The following MAGEL2 variants were observed in gnomAD, a reference collection of about 807,000 sequenced individuals.
MAGEL2 encodes MAGE family member L2.
For missense variants in MAGEL2, 1,830 were observed against 1,699.2 expected (o/e 1.08, Z -1.35); for synonymous variants, 792 against 721.7 (o/e 1.10, Z -1.56).
Position 23,647,797 on chromosome 15 carries a change from C to T in MAGEL2, c.-55G>A, listed in dbSNP as rs1172727626. On this transcript the variant is annotated 5_prime_UTR_variant, in exon 1 of 1. Coordinates refer to ENST00000650528, the MANE Select transcript of MAGEL2 (RefSeq NM_019066.5). The stretch of plus-strand genomic sequence containing the variant: ...TCCTCGGACAGCTGCTGGGCCTTTT[C>T]CTCCAGAGAGAAGAGAATGCCTACG... 1 of 1,427,270 alleles carries T rather than the reference C, an allele frequency of 7.0e-7. No homozygotes were observed. The highest frequency in any genetic ancestry group is 9.1e-7 in the Non-Finnish European group (1 of 1,095,318). 88.4% of individuals were successfully genotyped at this position (1,427,270 alleles called of 1,614,324 possible).
chr15:23,644,101 G>A lies in MAGEL2; in HGVS notation c.3642C>T (p.Phe1214=), dbSNP rs1183546243. Residue 1214 remains phenylalanine, a synonymous_variant, in exon 1 of 1, where the codon TTC becomes TTT. Transcript: ENST00000650528. ...ACTCTGCGAGCGCTTCAAGGTAATG[G>A]AATGGCCAGCTCTGTGGATCTTTCT... ...LHKKDPQSWP[F]HYLEALAECE... is the part of the protein sequence containing the mutation. 1.2e-6 allele frequency: 2 copies of A among 1,613,820 alleles called. No homozygotes were observed. The highest frequency in any genetic ancestry group is 2.7e-5 in the African/African-American group (2 of 74,904).
In MAGEL2 at chr15:23,646,799, G is replaced by T; in HGVS notation, c.944C>A (p.Pro315His). ...TGCAGGTGGGGCCATCGGCTGTGCA[G>T]GTGGGGCCGCCGGCTGTGCCATCGG... ...GAPMAQPAAP[P>H]AQPMAPPAQP... The change falls in exon 1 of 1, where the codon CCT becomes CAT. Residue 315 changes from proline (P) to histidine (H), a missense_variant. Physicochemically the swap from Pro to His is moderately conservative, Grantham distance 77 (BLOSUM62 -2). Transcript: ENST00000650528. This position sits in a 1 kb window ranked among gnomAD's most constrained non-coding sequence, Gnocchi z 4.2. 6.5e-7 allele frequency: 1 copy of T among 1,535,546 alleles called. No homozygotes were observed. The highest frequency in any genetic ancestry group is 1.7e-4 in the Middle Eastern group (1 of 5,986).
Position 23,645,473 on chromosome 15 carries a change from C to T in MAGEL2, c.2270G>A (p.Cys757Tyr), listed in dbSNP as rs531290738. 1 of 1,613,964 alleles carries T rather than the reference C, an allele frequency of 6.2e-7. No homozygotes were observed. Among genetic ancestry groups the T allele is most frequent in the African/African-American group, 1.3e-5 (1 of 75,054 alleles). ...CGCAGCTGACACTGCCTTGGGAGCA[C>T]AGAAGGTGGCAGCAAAGATCATGCG... ...KDRMIFAATF[C>Y]APKAVSAARA... Residue 757 changes from cysteine (C) to tyrosine (Y), a missense_variant, in exon 1 of 1, where the codon TGT (cysteine) becomes TAT (tyrosine). Physicochemically the swap from Cys to Tyr is radical, Grantham distance 194. Transcript: ENST00000650528.
Position 23,646,050 on chromosome 15 carries a change from C to A in MAGEL2, c.1693G>T (p.Val565Leu), listed in dbSNP as rs2140715254. 1 of 1,522,802 alleles carries A rather than the reference C, an allele frequency of 6.6e-7. No individual in the cohort carries two copies. Among genetic ancestry groups the A allele is most frequent in the Non-Finnish European group, 8.8e-7 (1 of 1,135,868 alleles). 94.3% of individuals were successfully genotyped at this position (1,522,802 alleles called of 1,614,324 possible). A position where few individuals can be genotyped will look rare whatever the true frequency, so the allele number is the denominator to read the frequency against. Reference sequence around the variant, plus strand: ...GGGGCAGACAGCGGGGCCGGCAGCACAGGCTGGGGCACCTGCGGGCCAGCG... The same window carrying A: ...GGGGCAGACAGCGGGGCCGGCAGCAAAGGCTGGGGCACCTGCGGGCCAGCG... ...PPAGPQVPQP[V>L]LPAPLSAPLS... The change falls in exon 1 of 1, where the codon GTG (valine) becomes TTG (leucine). Residue 565 changes from valine to leucine, a missense_variant. Val to Leu is a conservative substitution (Grantham distance 32). Transcript: ENST00000650528. The surrounding 1 kb of genome is among the most constrained non-coding windows in gnomAD (Gnocchi z 4.2).
chr15:23,646,070 C>G lies in MAGEL2; in HGVS notation c.1673G>C (p.Gly558Ala). 1 of 1,492,492 alleles carries G rather than the reference C, an allele frequency of 6.7e-7. No homozygotes were observed. Among genetic ancestry groups the G allele is most frequent in the Non-Finnish European group, 8.9e-7 (1 of 1,124,718 alleles). The allele number at this position is 1,492,492 out of a possible 1,614,324, so 92.5% of individuals were successfully genotyped here. A position where few individuals can be genotyped will look rare whatever the true frequency, so the allele number is the denominator to read the frequency against. Reference protein sequence around the residue: ...ATQVPAAPPAGPQVPQPVLPA... With the variant: ...ATQVPAAPPAAPQVPQPVLPA... Reference sequence around the variant, plus strand: ...CAGCACAGGCTGGGGCACCTGCGGGCCAGCGGGCGGCGCCGCGGGTACCTG... The same window carrying G: ...CAGCACAGGCTGGGGCACCTGCGGGGCAGCGGGCGGCGCCGCGGGTACCTG... Residue 558 changes from glycine to alanine, a missense_variant, in exon 1 of 1, where the codon GGC becomes GCC. Transcript: ENST00000650528. This position sits in a 1 kb window ranked among gnomAD's most constrained non-coding sequence, Gnocchi z 4.2.
At position 23,645,948 on chromosome 15, in the gene MAGEL2, C is replaced by T. The variant is rs988583476; in HGVS notation, c.1795G>A (p.Glu599Lys). The T allele has an allele frequency of 6.4e-7, 1 of 1,567,218 alleles. No individual in the cohort carries two copies. Among genetic ancestry groups the T allele is most frequent in the East Asian group, 2.4e-5 (1 of 42,440 alleles). The change falls in exon 1 of 1, where the codon GAG becomes AAG. Residue 599 changes from glutamate to lysine, a missense_variant. Transcript: ENST00000650528. The part of the protein sequence containing the change: ...APKGQPPVPH[E>K]IPTSMEFQEV... ...TGGAATTCCATTGACGTTGGAATCT[C>T]GTGTGGCACCGGGGGCTGACCTTTG... is the stretch of plus-strand genomic sequence containing the variant.
chr15:23,645,240 G>A lies in MAGEL2; in HGVS notation c.2503C>T (p.Pro835Ser), dbSNP rs1007716140. ...TTCATATTGGGCTGTGGGACCCATGGAACTGCAGGCAGGGCCTCTACACAG... is the reference window on the plus strand; with the variant it reads ...TTCATATTGGGCTGTGGGACCCATGAAACTGCAGGCAGGGCCTCTACACAG... ...FACVEALPAV[P>S]WVPQPNMNAS... The change falls in exon 1 of 1, where the codon CCA becomes TCA. Residue 835 changes from proline (P) to serine (S), a missense_variant. Pro to Ser is a moderately conservative substitution (Grantham distance 74). Coordinates refer to ENST00000650528, the MANE Select transcript of MAGEL2 (RefSeq NM_019066.5). The A allele has an allele frequency of 1.2e-6, 2 of 1,613,920 alleles. No homozygotes were observed. The highest frequency in any genetic ancestry group is 1.7e-6 in the Non-Finnish European group (2 of 1,179,906).
At position 23,643,849 on chromosome 15, in the gene MAGEL2, G is replaced by C. The variant is rs907386628; in HGVS notation, c.*144C>G. The C allele has an allele frequency of 8.2e-6, 7 of 849,648 alleles. No homozygotes were observed. The African/African-American group carries it at 1.2e-4, about 14-fold the overall frequency. The allele number at this position is 849,648 out of a possible 1,614,324, so 52.6% of individuals were successfully genotyped here. On this transcript the variant is annotated 3_prime_UTR_variant, in exon 1 of 1. Transcript: ENST00000650528. ...CAACACCACATAAAAAATGTACAAA[G>C]CTTTGGCAGATACGAAACCAAGTTG... is the stretch of plus-strand genomic sequence containing the variant.
In MAGEL2 at chr15:23,645,112, C is replaced by T. The variant is rs1298567056; in HGVS notation, c.2631G>A (p.Glu877=). ...TTQEASKTSV[E]PPRRSGKATR... is the part of the protein sequence containing the mutation. Reference sequence around the variant, plus strand: ...TGGCCTTGCCGGAGCGGCGTGGCGGCTCGACGGAGGTCTTGGAGGCCTCTT... The same window carrying T: ...TGGCCTTGCCGGAGCGGCGTGGCGGTTCGACGGAGGTCTTGGAGGCCTCTT... The change falls in exon 1 of 1, where the codon GAG becomes GAA. Residue 877 remains glutamate (E), a synonymous_variant. Coordinates refer to ENST00000650528, the MANE Select transcript of MAGEL2 (RefSeq NM_019066.5). 1.2e-6 allele frequency: 2 copies of T among 1,613,806 alleles called. No homozygotes were observed. Among genetic ancestry groups the T allele is most frequent in the East Asian group, 4.5e-5 (2 of 44,868 alleles).
Position 23,646,856 on chromosome 15 carries a change from G to C in MAGEL2, c.887C>G (p.Ala296Gly). Residue 296 changes from alanine (A) to glycine (G), a missense_variant, in exon 1 of 1, where the codon GCT becomes GGT. Coordinates refer to ENST00000650528, the MANE Select transcript of MAGEL2 (RefSeq NM_019066.5). The surrounding 1 kb of genome is among the most constrained non-coding windows in gnomAD (Gnocchi z 4.2). ...TGAAGCTGGAGGCTGGGTCATCGGA[G>C]CTCTCGCACCTGGAGGATGAATCAT... is the stretch of plus-strand genomic sequence containing the variant. ...VLMIHPPGARAPMTQPPASGA... is the reference protein window; with the variant it reads ...VLMIHPPGARGPMTQPPASGA... The C allele has an allele frequency of 6.5e-7, 1 of 1,536,730 alleles. No homozygotes were observed. The highest frequency in any genetic ancestry group is 1.2e-5 in the South Asian group (1 of 84,062).
Position 23,647,214 on chromosome 15 carries a change from T to G in MAGEL2, c.529A>C (p.Thr177Pro), listed in dbSNP as rs1295432312. 1 of 1,512,682 alleles carries G rather than the reference T, an allele frequency of 6.6e-7. No individual in the cohort carries two copies. The highest frequency in any genetic ancestry group is 8.8e-7 in the Non-Finnish European group (1 of 1,136,122). The allele number at this position is 1,512,682 out of a possible 1,614,324, so 93.7% of individuals were successfully genotyped here. The change falls in exon 1 of 1, where the codon ACC becomes CCC. Residue 177 changes from threonine (T) to proline (P), a missense_variant. Coordinates refer to ENST00000650528, the MANE Select transcript of MAGEL2 (RefSeq NM_019066.5). ...GGAGGAGGAGGATGCACCATCGGGG[T>G]CCCCGGAGGAGGAGGATGGGCCATC... ...TPMAHPPPPG[T>P]PMVHPPPPGT...
In MAGEL2 at chr15:23,643,840, A is replaced by G; in HGVS notation, c.*153T>C. 2.5e-6 allele frequency: 2 copies of G among 787,494 alleles called. No homozygotes were observed. Among genetic ancestry groups the G allele is most frequent in the Non-Finnish European group, 3.8e-6 (2 of 529,774 alleles). The allele number at this position is 787,494 out of a possible 1,614,324, so 48.8% of individuals were successfully genotyped here. On this transcript the variant is annotated 3_prime_UTR_variant, in exon 1 of 1. Transcript: ENST00000650528. ...GATTGAAATCAACACCACATAAAAA[A>G]TGTACAAAGCTTTGGCAGATACGAA... is the stretch of plus-strand genomic sequence containing the variant.
In MAGEL2 at chr15:23,646,636, C is replaced by T; in HGVS notation, c.1107G>A (p.Gln369=). 5.4e-6 allele frequency: 8 copies of T among 1,479,116 alleles called. No homozygotes were observed. The highest frequency in any genetic ancestry group is 7.1e-6 in the Non-Finnish European group (8 of 1,119,100). 91.6% of individuals were successfully genotyped at this position (1,479,116 alleles called of 1,614,324 possible). ...TGGCCTGCCATCCTGGCGAGGTCGC[C>T]TGCCAGCCCGGGGGTGTGGCTAGCT... ...PAQLATPPGW[Q]ATSPGWQATQ... The change falls in exon 1 of 1, where the codon CAG becomes CAA. Residue 369 remains glutamine (Q), a synonymous_variant. Coordinates refer to ENST00000650528, the MANE Select transcript of MAGEL2 (RefSeq NM_019066.5). This position sits in a 1 kb window ranked among gnomAD's most constrained non-coding sequence, Gnocchi z 4.2.
In MAGEL2 at chr15:23,647,019, G is replaced by A. The variant is rs1338168357; in HGVS notation, c.724C>T (p.Pro242Ser). The A allele has an allele frequency of 6.5e-7, 1 of 1,537,006 alleles. No homozygotes were observed. The highest frequency in any genetic ancestry group is 2.0e-5 in the Admixed American group (1 of 51,000). ...PPAPGVLMAQPLTPGVLMVQP... is the reference protein window; with the variant it reads ...PPAPGVLMAQSLTPGVLMVQP... ...ACCATCAGGACTCCCGGAGTCAGAG[G>A]CTGGGCCATCAGGACTCCCGGAGCT... Residue 242 changes from proline to serine, a missense_variant, in exon 1 of 1, where the codon CCT becomes TCT. By Grantham distance (74) the Pro-to-Ser change is moderately conservative. Transcript: ENST00000650528.
At position 23,647,836 on chromosome 15, in the gene MAGEL2, G is replaced by C; in HGVS notation, c.-94C>G. 1.6e-6 allele frequency: 2 copies of C among 1,280,388 alleles called. No homozygotes were observed. Among genetic ancestry groups the C allele is most frequent in the Non-Finnish European group, 2.1e-6 (2 of 969,330 alleles). The allele number at this position is 1,280,388 out of a possible 1,614,324, so 79.3% of individuals were successfully genotyped here. A position where few individuals can be genotyped will look rare whatever the true frequency, so the allele number is the denominator to read the frequency against. ...AGAATGCCTACGTGGCTGTTCAGAG[G>C]CTCCCTCCCTGCTGAATGCTGAATA... is the stretch of plus-strand genomic sequence containing the variant. On this transcript the variant is annotated 5_prime_UTR_variant, in exon 1 of 1. Coordinates refer to ENST00000650528, the MANE Select transcript of MAGEL2 (RefSeq NM_019066.5).
Position 23,646,183 on chromosome 15 carries a change from T to A in MAGEL2, c.1560A>T (p.Pro520=). The change falls in exon 1 of 1, where the codon CCA becomes CCT. Residue 520 remains proline (P), a synonymous_variant. Coordinates refer to ENST00000650528, the MANE Select transcript of MAGEL2 (RefSeq NM_019066.5). This position sits in a 1 kb window ranked among gnomAD's most constrained non-coding sequence, Gnocchi z 4.2. The stretch of plus-strand genomic sequence containing the variant: ...CCTGCGGGGCCTGCCGCAGTGGAGG[T>A]GGGGGTGGCAGGGCCTGCCAGAGCG... ...QPPLWQALPP[P]PPLRQAPQAR... is the part of the protein sequence containing the mutation. The A allele has an allele frequency of 7.7e-7, 1 of 1,306,196 alleles. No homozygotes were observed. Among genetic ancestry groups the A allele is most frequent in the Non-Finnish European group, 9.7e-7 (1 of 1,035,602 alleles). The allele number at this position is 1,306,196 out of a possible 1,614,324, so 80.9% of individuals were successfully genotyped here. A position where few individuals can be genotyped will look rare whatever the true frequency, so the allele number is the denominator to read the frequency against.
Position 23,644,144 on chromosome 15 carries a change from A to C in MAGEL2, c.3599T>G (p.Phe1200Cys). Residue 1200 changes from phenylalanine (F) to cysteine (C), a missense_variant, in exon 1 of 1, where the codon TTT becomes TGT. Physicochemically the swap from Phe to Cys is radical, Grantham distance 205. Transcript: ENST00000650528. ...LETSKMLVLR[F>C]LAKLHKKDPQ... is the part of the protein sequence containing the mutation. The stretch of plus-strand genomic sequence containing the variant: ...ATCTTTCTTATGGAGCTTGGCCAAA[A>C]ACCTCAGGACAAGCATCTTGCTGGT... The C allele has an allele frequency of 6.2e-7, 1 of 1,613,960 alleles. No homozygotes were observed. Among genetic ancestry groups the C allele is most frequent in the South Asian group, 1.1e-5 (1 of 91,074 alleles).
chr15:23,646,958 G>A lies in MAGEL2; in HGVS notation c.785C>T (p.Pro262Leu). The change falls in exon 1 of 1, where the codon CCG becomes CTG. Residue 262 changes from proline (P) to leucine (L), a missense_variant. Transcript: ENST00000650528. This position sits in a 1 kb window ranked among gnomAD's most constrained non-coding sequence, Gnocchi z 4.2. Reference protein sequence around the residue: ...PAAPGAPMVQPPPAAMMTQPQ... With the variant: ...PAAPGAPMVQLPPAAMMTQPQ... ...CTGGGTCATCATGGCTGCTGGAGGC[G>A]GCTGGACCATCGGTGCTCCCGGAGC... 6.5e-7 allele frequency: 1 copy of A among 1,536,916 alleles called. No individual in the cohort carries two copies. Among genetic ancestry groups the A allele is most frequent in the South Asian group, 1.2e-5 (1 of 84,062 alleles).
rs1330171818 is a variant in MAGEL2, at chr15:23,647,718, C to T, written c.25G>A (p.Gly9Ser). The T allele has an allele frequency of 6.8e-7, 1 of 1,470,944 alleles. No homozygotes were observed. Among genetic ancestry groups the T allele is most frequent in the Non-Finnish European group, 8.9e-7 (1 of 1,117,604 alleles). The allele number at this position is 1,470,944 out of a possible 1,614,324, so 91.1% of individuals were successfully genotyped here. ...GCCTCCGCCGGAGGACTCGAGTCAC[C>T]CAGATTCTTACTTAGCTGCGACATG... MSQLSKNL[G>S]DSSPPAEAPK... The change falls in exon 1 of 1, where the codon GGT becomes AGT. Residue 9 changes from glycine to serine, a missense_variant. Transcript: ENST00000650528.
Sources: gnomAD v4.1 joint callset for allele counts on GRCh38, gnomAD v4.1.1 for gene constraint, Gnocchi (gnomAD v3.1) non-coding constraint, MANE v1.5 for transcripts, NCBI Gene and HGNC (gene_info 2026-07-23, HGNC 2026-07-21) for gene names.